ZDHHC11: variants seen among roughly 807,000 people sequenced by gnomAD.
The protein encoded by ZDHHC11 is palmitoyltransferase ZDHHC11.
In ZDHHC11, 44 loss-of-function variants were observed where a neutral mutation model predicts 51.3. The ratio of observed to expected loss-of-function variants is 0.86; its 90% CI spans 0.67 to 1.10. ZDHHC11 has a LOEUF of 1.10. ZDHHC11 is among the 50% of genes least tolerant of loss of function. The probability of loss-of-function intolerance (pLI) is 0.00; values close to 1 mark genes in which losing one functional copy is unlikely to be tolerated. For missense variants in ZDHHC11, 400 were observed against 537.7 expected (o/e 0.74, Z 2.53); for synonymous variants, 163 against 222.0 (o/e 0.73, Z 2.36).
rs115509459 is a variant in ZDHHC11, at chr5:831,280, C to T, written c.935+2493G>A. Among the ~76,000 whole-genome samples, 754 of 149,222 alleles carry T rather than the reference C, an allele frequency of 5.1e-3. 28 individuals carry two copies. The highest frequency in any genetic ancestry group is 0.018 in the African/African-American group (722 of 40,796). ...AATCTAAAAGGAACTCAAACAAATC[C>T]GCAAGAAAAAACAAATCATCCAATT... On this transcript the variant is annotated intron_variant, in intron 7 of 12. Coordinates refer to ENST00000283441, the MANE Select transcript of ZDHHC11 (RefSeq NM_024786.3).
At position 819,321 on chromosome 5, in the gene ZDHHC11, C is replaced by G. The variant is rs554641794; in HGVS notation, c.1146+204G>C. ...CCCACTTTGGTACCCGTCTGTCTCT[C>G]TCACCCACAGCTGGGAAGCATTCCT... On this transcript the variant is annotated intron_variant, in intron 10 of 12. Coordinates refer to ENST00000283441, the MANE Select transcript of ZDHHC11 (RefSeq NM_024786.3). Among the ~76,000 whole-genome samples the G allele has an allele frequency of 7.3e-5, 11 of 151,722 alleles. No individual in the cohort carries two copies. The South Asian group carries it at 1.7e-3, about 23-fold the overall frequency.
At chr5:803,960 A>G (rs1380067193) in intron 11 of ZDHHC11, among the ~76,000 whole-genome samples, 1 of 150,532 alleles carries the variant, frequency 6.6e-6, no homozygotes, top group Admixed American at 6.6e-5. Flanking sequence ...GACCAGAAAA[A>G]AAAAAAAGAT....
chr5:841,605 G>T, intron 4 of ZDHHC11: 1 of 994,792 alleles, frequency 1.0e-6, no homozygotes, highest in Non-Finnish European at 1.2e-6. Flanking sequence ...CCTTGCTCAT[G>T]GCCCACTCTG....
intron 12 of ZDHHC11, among the ~76,000 whole-genome samples, 157 bp from the exon 13 acceptor site, chr5:796,737 GC>G (rs1342110269): frequency 6.6e-6 from 1 of 152,020 alleles, no homozygotes; most frequent in African/African-American, 2.4e-5. Flanking sequence ...TAGACACAGA[GC>G]CCCACTCCCA....
chr5:822,155 TG>T (rs1230824737), intron 8 of ZDHHC11, among the ~76,000 whole-genome samples: 1 of 151,404 alleles, frequency 6.6e-6, no homozygotes, highest in East Asian at 1.9e-4. Flanking sequence ...TGACTATATG[TG>T]GAGACAGGGT....
intron 11 of ZDHHC11, among the ~76,000 whole-genome samples, chr5:808,558 C>T (rs1249778982): frequency 1.2e-4 from 18 of 150,238 alleles, no homozygotes; most frequent in East Asian, 1.9e-4. Context: ...TATTTTGAGA[C>T]GTAGTCTCAC....
At chr5:840,792 G>C in intron 4 of ZDHHC11, 142 bp from the exon 5 acceptor site, 1 of 1,528,224 alleles carries the variant, frequency 6.5e-7, no homozygotes, top group Non-Finnish European at 8.8e-7. Flanking sequence ...CCAGGTGGAC[G>C]CCTCCCTTAC....
In ZDHHC11 at chr5:850,826, A is replaced by G. The variant is rs1561309152; in HGVS notation, c.-224T>C. On this transcript the variant is annotated 5_prime_UTR_variant, in exon 1 of 13. Coordinates refer to ENST00000283441, the MANE Select transcript of ZDHHC11 (RefSeq NM_024786.3). ...GGGGAATGAACAGACATGCTGCAGA[A>G]TGTGACCCCGGCCAGAGCCGAGTGG... 3.2e-6 allele frequency: 2 copies of G among 623,284 alleles called. No individual in the cohort carries two copies. The highest frequency in any genetic ancestry group is 5.5e-6 in the Non-Finnish European group (2 of 362,076). 38.6% of individuals were successfully genotyped at this position (623,284 alleles called of 1,614,324 possible).
intron 7 of ZDHHC11, among the ~76,000 whole-genome samples, chr5:831,630 G>T (rs1743098032): frequency 6.9e-6 from 1 of 145,458 alleles, no homozygotes; most frequent in Admixed American, 7.1e-5. Flanking sequence ...CAAAAAGTGG[G>T]CAACATTCAT....
chr5:850,178 G>GCTGTC, intron 1 of ZDHHC11: 1 of 620,634 alleles, frequency 1.6e-6, no homozygotes, highest in Non-Finnish European at 2.8e-6. Flanking sequence ...CTCAGCCAAC[G>GCTGTC]CTGTCCTGTC....
intron 2 of ZDHHC11, chr5:847,871 C>G: frequency 1.7e-6 from 1 of 578,452 alleles, no homozygotes; most frequent in Non-Finnish European, 3.1e-6. Flanking sequence ...AGCATAGACC[C>G]CCCGCCAGCC....
upstream of ZDHHC11, among the ~76,000 whole-genome samples, chr5:854,692 A>G (rs978750782): frequency 1.3e-5 from 2 of 150,106 alleles, no homozygotes; most frequent in African/African-American, 4.9e-5. Flanking sequence ...CATGGAGGAC[A>G]GCAAGCCGGG....
At chr5:850,336 C>T in intron 1 of ZDHHC11, 45 bp downstream of exon 1, 4 of 1,591,402 alleles carry the variant, frequency 2.5e-6, no homozygotes, top group Non-Finnish European at 3.4e-6. Flanking sequence ...GCAAGTTCCT[C>T]CAGGAACCCC....
In ZDHHC11 at chr5:827,454, C is replaced by A. The variant is rs939048530; in HGVS notation, c.936-2203G>T. Among the ~76,000 whole-genome samples the A allele has an allele frequency of 1.3e-4, 19 of 151,200 alleles. 1 individual carries two copies. The highest frequency in any genetic ancestry group is 4.6e-4 in the African/African-American group (19 of 40,980). On this transcript the variant is annotated intron_variant, in intron 7 of 12. Coordinates refer to ENST00000283441, the MANE Select transcript of ZDHHC11 (RefSeq NM_024786.3). ...ACAGAGTGGAAGAATGGAGAAAAATCCACCAACCAAGTATCTGCTGTCTTC... is the reference window on the plus strand; with the variant it reads ...ACAGAGTGGAAGAATGGAGAAAAATACACCAACCAAGTATCTGCTGTCTTC...
At chr5:845,813 G>A (rs1290537262) in intron 3 of ZDHHC11, among the ~76,000 whole-genome samples, 10 of 150,578 alleles carry the variant, frequency 6.6e-5, no homozygotes, top group South Asian at 4.1e-4. Context: ...AGCTGAGGGC[G>A]CCCATGACCC....
chr5:822,722 G>C lies in ZDHHC11; in HGVS notation c.1024-827C>G, dbSNP rs1741727290. Among the ~76,000 whole-genome samples, 12 of 151,514 alleles carry C rather than the reference G, an allele frequency of 7.9e-5. No homozygotes were observed. In the South Asian group the frequency reaches 2.5e-3, roughly 32 times the overall value. ...GGGTCTTGCTATGTTGCCCATAGTG[G>C]TCTCAAACTCCTGGCCTCAAGGGAT... On this transcript the variant is annotated intron_variant, in intron 8 of 12. Transcript: ENST00000283441.
rs141622965 is a variant in ZDHHC11 at position 819,554 on chromosome 5, C to A, written c.1117G>T (p.Val373Leu). ...GCCATCGAGCCCCCGTCTGGGTGTA[C>A]ACGAGTGGAGAACTGACACAGGCGC... ...CRRLCQFSTR[V>L]HPDGGSMAQE... The change falls in exon 10 of 13, where the codon GTA becomes TTA. Residue 373 changes from valine (V) to leucine (L), a missense_variant. Around this residue, in one of 5 missense-constraint regions of ZDHHC11, gnomAD observed 231 missense variants for 227.4 expected, o/e 1.02. Coordinates refer to ENST00000283441, the MANE Select transcript of ZDHHC11 (RefSeq NM_024786.3). 3.1e-6 allele frequency: 5 copies of A among 1,609,992 alleles called. 1 individual carries two copies. Among genetic ancestry groups the A allele is most frequent in the Non-Finnish European group, 4.2e-6 (5 of 1,176,760 alleles).
At chr5:828,322 G>A (rs148730994) in intron 7 of ZDHHC11, among the ~76,000 whole-genome samples, 12,673 of 149,764 alleles carry the variant, frequency 0.085, 154 homozygotes, top group East Asian at 0.21. Flanking sequence ...GCCGGGCGGA[G>A]GCACCCCCCA....
intron 11 of ZDHHC11, 132 bp from the exon 12 acceptor site, chr5:801,296 A>G: frequency 9.0e-7 from 1 of 1,109,986 alleles, no homozygotes; most frequent in Non-Finnish European, 1.3e-6. Flanking sequence ...CAATCACTTC[A>G]CCTCTCTGAG....
Sources: allele counts gnomAD v4.1 joint callset (sites outside exome capture counted in the v4.1 genomes callset), GRCh38; gene constraint gnomAD v4.1.1; regional missense constraint gnomAD v4.1.1; transcripts MANE v1.5; gene names NCBI Gene and HGNC (gene_info 2026-07-23, HGNC 2026-07-21).